Variants in TIAM2 observed in about 807,000 individuals in gnomAD.
TIAM2 encodes the protein rho guanine nucleotide exchange factor TIAM2.
Under a neutral mutation model 152.9 loss-of-function variants are expected in TIAM2, and 80 were observed. The ratio of observed to expected loss-of-function variants is 0.52; its 90% CI spans 0.44 to 0.63. The LOEUF is 0.63. TIAM2 is among the 30% of genes least tolerant of loss of function. The pLI is 0.00. For synonymous variants in TIAM2, 804 were observed against 838.0 expected, an observed-to-expected ratio of 0.96 and a Z score of 0.70; for missense variants, 1,965 against 2,120.1, an observed-to-expected ratio of 0.93 and a Z score of 1.44.
intron 22 of TIAM2, among the ~76,000 whole-genome samples, chr6:155,251,732 A>G (rs765544407): frequency 1.3e-5 from 2 of 152,244 alleles, no homozygotes; most frequent in Non-Finnish European, 2.9e-5. Flanking sequence ...GCCAAGATCA[A>G]CTTCTAATAG....
At chr6:155,211,634 A>G (rs1014662354) in intron 15 of TIAM2, among the ~76,000 whole-genome samples, 3 of 149,324 alleles carry the variant, frequency 2.0e-5, no homozygotes, top group African/African-American at 7.5e-5. Flanking sequence ...AAAGGTGTTA[A>G]TTACTAATCT....
intron 1 of TIAM2, among the ~76,000 whole-genome samples, chr6:154,997,380 T>C (rs990209487): frequency 3.3e-5 from 5 of 152,192 alleles, no homozygotes; most frequent in Non-Finnish European, 5.9e-5. Flanking sequence ...GGCTGTTCAC[T>C]ACACAAGGTC....
At chr6:155,251,073 A>G (rs776582306) in intron 22 of TIAM2, 52 bp downstream of exon 22, 12 of 1,524,708 alleles carry the variant, frequency 7.9e-6, no homozygotes, top group Non-Finnish European at 1.1e-5. Flanking sequence ...GGGATTACGG[A>G]AGAACTTCAC....
intron 4 of TIAM2, among the ~76,000 whole-genome samples, chr6:155,134,941 A>C (rs1397883457): frequency 6.6e-6 from 1 of 152,024 alleles, no homozygotes; most frequent in Non-Finnish European, 1.5e-5. Flanking sequence ...TCCTGACCTC[A>C]TGATCTGCCC....
chr6:155,187,596 T>TTTTTTTTTTTTTTTTTTTTG (rs1781077183), intron 14 of TIAM2, among the ~76,000 whole-genome samples: 1 of 136,734 alleles, frequency 7.3e-6, no homozygotes, highest in African/African-American at 2.9e-5. Context: ...TTTTTTTTTT[T>TTTTTTTTTTTTTTTTTTTTG]GAGATGAAGT....
intron 1 of TIAM2, among the ~76,000 whole-genome samples, chr6:155,032,326 A>G (rs1411581550): frequency 6.6e-6 from 1 of 152,170 alleles, no homozygotes. Context: ...CATGGAACGC[A>G]ACGCTCGGTG....
intron 1 of TIAM2, among the ~76,000 whole-genome samples, chr6:155,028,805 A>G: frequency 7.4e-6 from 1 of 135,322 alleles, no homozygotes; most frequent in South Asian, 2.3e-4. Context: ...TGTGTTATAT[A>G]CTATATATAA....
chr6:155,221,649 C>A (rs1242933378), intron 15 of TIAM2, among the ~76,000 whole-genome samples: 1 of 152,140 alleles, frequency 6.6e-6, no homozygotes, highest in Non-Finnish European at 1.5e-5. Context: ...GGACCTCTTG[C>A]CAGAGCTGCT....
rs976731173 is a variant in TIAM2 at position 155,010,900 on chromosome 6, C to T, written c.-209+15408C>T. On this transcript the variant is annotated intron_variant, in intron 1 of 26. Coordinates refer to ENST00000682666, the MANE Select transcript of TIAM2 (RefSeq NM_012454.4). ...CTCTACTAAAAATACAAAAATTAGC[C>T]AAATGTGGTGTCATGCGCCTGTAAT... 2.6e-5 allele frequency among the ~76,000 whole-genome samples: 4 copies of T among 151,920 alleles called. No individual in the cohort carries two copies. The South Asian group carries it at 6.2e-4, about 24-fold the overall frequency.
chr6:155,253,343 A>G, intron 24 of TIAM2: 1 of 378,334 alleles, frequency 2.6e-6, no homozygotes, highest in Non-Finnish European at 4.7e-6. Flanking sequence ...ATGTGTTAGA[A>G]GAACAAAGAT....
chr6:155,257,571 AT>A lies in TIAM2; in HGVS notation c.*455del. 2 of 361,248 alleles carry A rather than the reference AT, an allele frequency of 5.5e-6. No individual in the cohort carries two copies. The highest frequency in any genetic ancestry group is 6.4e-5 in the South Asian group (2 of 31,276). 22.4% of individuals were successfully genotyped at this position (361,248 alleles called of 1,614,324 possible). On this transcript the variant is annotated 3_prime_UTR_variant, in exon 27 of 27. Coordinates refer to ENST00000682666, the MANE Select transcript of TIAM2 (RefSeq NM_012454.4). ...TAGGGGCAAAATGTGCAGATACTTC[AT>A]TTTTGTAAGATAGATTGTAATAGAT...
At chr6:155,217,508 A>C (rs1012852891) in intron 15 of TIAM2, among the ~76,000 whole-genome samples, 1 of 152,230 alleles carries the variant, frequency 6.6e-6, no homozygotes, top group Non-Finnish European at 1.5e-5. Context: ...ATTTCCTTGG[A>C]GTATAGCACA....
chr6:155,194,058 C>A (rs1029491825), intron 14 of TIAM2, among the ~76,000 whole-genome samples: 4 of 152,202 alleles, frequency 2.6e-5, no homozygotes, highest in African/African-American at 9.6e-5. Flanking sequence ...AGCAGCAACA[C>A]AGAGGAGCAG....
intron 14 of TIAM2, among the ~76,000 whole-genome samples, chr6:155,198,229 A>G (rs1189977174): frequency 6.6e-6 from 1 of 152,212 alleles, no homozygotes; most frequent in Non-Finnish European, 1.5e-5. Flanking sequence ...TGTCCTAATT[A>G]ACCTACTACT....
chr6:155,257,183 G>GA lies in TIAM2; in HGVS notation c.*65dup. 1.4e-6 allele frequency: 1 copy of GA among 720,190 alleles called. No homozygotes were observed. Among genetic ancestry groups the GA allele is most frequent in the South Asian group, 2.3e-5 (1 of 42,886 alleles). 44.6% of individuals were successfully genotyped at this position (720,190 alleles called of 1,614,324 possible). A position where few individuals can be genotyped will look rare whatever the true frequency, so the allele number is the denominator to read the frequency against. On this transcript the variant is annotated 3_prime_UTR_variant, in exon 27 of 27. Coordinates refer to ENST00000682666, the MANE Select transcript of TIAM2 (RefSeq NM_012454.4). Reference sequence around the variant, plus strand: ...TTACTTTTAAACTGGTGGTAAAGTGGAAATTGCAAAAAAAAAAAAAAAAAA... The same window carrying GA: ...TTACTTTTAAACTGGTGGTAAAGTGGAAAATTGCAAAAAAAAAAAAAAAAAA...
chr6:155,068,364 A>C (rs113072509), intron 1 of TIAM2, among the ~76,000 whole-genome samples: 3 of 152,204 alleles, frequency 2.0e-5, no homozygotes, highest in African/African-American at 7.2e-5. Flanking sequence ...TCTATAGATG[A>C]AAAGGAGAAG....
intron 5 of TIAM2, among the ~76,000 whole-genome samples, chr6:155,140,073 A>T (rs988260465): frequency 6.6e-6 from 1 of 152,234 alleles, no homozygotes; most frequent in Non-Finnish European, 1.5e-5. Flanking sequence ...AGCAAATGTG[A>T]TCTTTAGCTA....
intron 1 of TIAM2, among the ~76,000 whole-genome samples, chr6:155,019,032 TC>T (rs1776407696): frequency 6.8e-6 from 1 of 147,106 alleles, no homozygotes; most frequent in Non-Finnish European, 1.5e-5. Context: ...AGAGTGAGAC[TC>T]CATCTAAAAA....
intron 14 of TIAM2, among the ~76,000 whole-genome samples, chr6:155,197,788 A>G (rs1297952317): frequency 6.6e-6 from 1 of 152,158 alleles, no homozygotes; most frequent in Non-Finnish European, 1.5e-5. Flanking sequence ...TGTCACCAGA[A>G]CAGCATGGAA....
Sources: allele counts gnomAD v4.1 joint callset (sites outside exome capture counted in the v4.1 genomes callset), GRCh38; gene constraint gnomAD v4.1.1; transcripts MANE v1.5; gene names NCBI Gene and HGNC (gene_info 2026-07-23, HGNC 2026-07-21).